The following PCDH9 variants were observed in gnomAD, a reference collection of about 807,000 sequenced individuals.
PCDH9 encodes protocadherin-9.
In PCDH9, 24 loss-of-function variants were observed where a neutral mutation model predicts 70.6. The ratio of observed to expected loss-of-function variants is 0.34; its 90% CI spans 0.25 to 0.48. The LOEUF is 0.48. Among genes scored for constraint, PCDH9 ranks in the 20% least tolerant of loss-of-function variants. The pLI is 0.99. For synonymous variants in PCDH9, 562 were observed against 558.5 expected (o/e 1.01, Z -0.09); for missense variants, 1,281 against 1,503.6 (o/e 0.85, Z 2.45).
At chr13:67,184,012 T>G (rs1400251597) in intron 2 of PCDH9, among the ~76,000 whole-genome samples, 1 of 152,240 alleles carries the variant, frequency 6.6e-6, no homozygotes, top group East Asian at 1.9e-4. Context: ...GTTAAAAGTA[T>G]GTTTATGAGA....
rs558443005 is a variant in PCDH9 at position 66,439,671 on chromosome 13, G to A, written c.3341-134643C>T. On this transcript the variant is annotated intron_variant, in intron 4 of 4. Coordinates refer to ENST00000377865, the MANE Select transcript of PCDH9 (RefSeq NM_203487.3). ...GTGTTTTTATTATTGACAGATCCTA[G>A]TTAGGTTTTATCCTTTCAAATAGCT... is the stretch of plus-strand genomic sequence containing the variant. Among the ~76,000 whole-genome samples, 20 of 152,216 alleles carry A rather than the reference G, an allele frequency of 1.3e-4. No homozygotes were observed. In the Middle Eastern group the frequency reaches 0.01, roughly 78 times the overall value.
At chr13:66,822,925 A>G (rs1313783031) in intron 3 of PCDH9, among the ~76,000 whole-genome samples, 2 of 152,124 alleles carry the variant, frequency 1.3e-5, no homozygotes, top group Non-Finnish European at 2.9e-5. Flanking sequence ...GGTATCACAT[A>G]TATACTATAT....
At chr13:66,450,973 C>T (rs1034631603) in intron 4 of PCDH9, among the ~76,000 whole-genome samples, 12 of 151,988 alleles carry the variant, frequency 7.9e-5, no homozygotes, top group South Asian at 2.1e-4. Context: ...GCCGAGATCG[C>T]GCCACTGTAC....
rs74095371 is a variant in PCDH9, at chr13:67,160,989, T to A, written c.3036+64416A>T. ...ATTTATTTGAAATTTCAGCTAATCT[T>A]TCTGGAACAACAGTGATAAATGCAG... On this transcript the variant is annotated intron_variant, in intron 2 of 4. Transcript: ENST00000377865. Among the ~76,000 whole-genome samples the A allele has an allele frequency of 7.1e-3, 1,077 of 152,314 alleles. 13 individuals carry two copies. Among genetic ancestry groups the A allele is most frequent in the African/African-American group, 0.025 (1,023 of 41,558 alleles).
In PCDH9 at chr13:66,393,897, A is replaced by C. The variant is rs114529587; in HGVS notation, c.3341-88869T>G. On this transcript the variant is annotated intron_variant, in intron 4 of 4. Transcript: ENST00000377865. The stretch of plus-strand genomic sequence containing the variant: ...GGAAATATTTATTGAATAAGTGAGG[A>C]GAAAGGAGGTGTGAGGCAAGAAACG... 7.6e-3 allele frequency among the ~76,000 whole-genome samples: 1,162 copies of C among 152,300 alleles called. 14 individuals carry two copies. The highest frequency in any genetic ancestry group is 0.026 in the African/African-American group (1,096 of 41,576).
At chr13:67,188,895 T>A (rs762463824) in intron 2 of PCDH9, among the ~76,000 whole-genome samples, 29 of 152,150 alleles carry the variant, frequency 1.9e-4, no homozygotes, top group Non-Finnish European at 3.5e-4. Context: ...ACCCAAGAAG[T>A]ATACACCAAA....
intron 3 of PCDH9, among the ~76,000 whole-genome samples, chr13:66,707,603 T>C (rs932326293): frequency 1.3e-5 from 2 of 152,182 alleles, no homozygotes; most frequent in African/African-American, 4.8e-5. Flanking sequence ...AATTAACTCA[T>C]CAATGGAAAT....
At chr13:66,598,905 C>T (rs968694452) in intron 4 of PCDH9, among the ~76,000 whole-genome samples, 5 of 151,638 alleles carry the variant, frequency 3.3e-5, no homozygotes, top group South Asian at 4.2e-4. Context: ...ACAGTGTATC[C>T]GTAAAACTGC....
chr13:66,994,095 CAGAA>C (rs770089428), intron 2 of PCDH9, among the ~76,000 whole-genome samples: 5 of 152,054 alleles, frequency 3.3e-5, no homozygotes, highest in Admixed American at 6.6e-5. Flanking sequence ...GCTTAGGAAA[CAGAA>C]GGAAGGATTT....
intron 4 of PCDH9, among the ~76,000 whole-genome samples, chr13:66,376,101 C>G (rs2440612): frequency 0.025 from 3,744 of 152,084 alleles, 154 homozygotes; most frequent in African/African-American, 0.084. Context: ...AAATTCCGTG[C>G]CCCCAGATTT....
chr13:66,394,259 A>C (rs2138276451), intron 4 of PCDH9, among the ~76,000 whole-genome samples: 1 of 152,306 alleles, frequency 6.6e-6, no homozygotes, highest in Non-Finnish European at 1.5e-5. Context: ...TCTTGAGTAG[A>C]ATATAAAGAC....
intron 3 of PCDH9, among the ~76,000 whole-genome samples, chr13:66,837,831 C>T (rs1358712860): frequency 1.3e-5 from 2 of 152,096 alleles, no homozygotes; most frequent in East Asian, 3.9e-4. Flanking sequence ...AAGCACTCCC[C>T]AGGCAATAGA....
intron 4 of PCDH9, among the ~76,000 whole-genome samples, chr13:66,590,120 C>T (rs2077019959): frequency 1.3e-5 from 2 of 151,820 alleles, no homozygotes; most frequent in South Asian, 2.1e-4. Context: ...TACGGAGAAC[C>T]CTAACAAAAT....
At chr13:66,343,285 C>A (rs1191975716) in intron 4 of PCDH9, among the ~76,000 whole-genome samples, 8 of 152,148 alleles carry the variant, frequency 5.3e-5, no homozygotes, top group African/African-American at 1.9e-4. Context: ...GGTCACAAGT[C>A]TGGTACAGAG....
chr13:66,465,126 T>C (rs1008861739), intron 4 of PCDH9, among the ~76,000 whole-genome samples: 3 of 151,826 alleles, frequency 2.0e-5, no homozygotes, highest in East Asian at 3.9e-4. Context: ...GTGACTTGGG[T>C]GATTTAATAG....
chr13:67,007,964 G>A (rs574038771), intron 2 of PCDH9, among the ~76,000 whole-genome samples: 1 of 152,064 alleles, frequency 6.6e-6, no homozygotes, highest in African/African-American at 2.4e-5. Context: ...CAATGGGAAG[G>A]CTTCAAATTG....
At position 67,121,201 on chromosome 13, in the gene PCDH9, G is replaced by T. The variant is rs187772406; in HGVS notation, c.3036+104204C>A. 3.8e-3 allele frequency among the ~76,000 whole-genome samples: 583 copies of T among 152,006 alleles called. 2 individuals carry two copies. The highest frequency in any genetic ancestry group is 6.7e-3 in the Non-Finnish European group (456 of 68,008). On this transcript the variant is annotated intron_variant, in intron 2 of 4. Transcript: ENST00000377865. Reference sequence around the variant, plus strand: ...TTTACTTTAAAAAATTTTTGGAATTGTAAGAGTTGATGTGCATTATAAATT... The same window carrying T: ...TTTACTTTAAAAAATTTTTGGAATTTTAAGAGTTGATGTGCATTATAAATT...
At chr13:66,977,017 A>G (rs994884943) in intron 2 of PCDH9, among the ~76,000 whole-genome samples, 4 of 152,128 alleles carry the variant, frequency 2.6e-5, no homozygotes, top group African/African-American at 9.7e-5. Context: ...CAGTGATCCA[A>G]AGACTTAGTC....
chr13:66,901,895 A>C (rs973944937), intron 3 of PCDH9, among the ~76,000 whole-genome samples: 2 of 151,856 alleles, frequency 1.3e-5, no homozygotes, highest in African/African-American at 4.8e-5. Context: ...CAATAAACAC[A>C]AACATAAAAT....
Sources: gnomAD v4.1 joint callset for allele counts (sites outside exome capture counted in the v4.1 genomes callset) on GRCh38, gnomAD v4.1.1 for gene constraint, MANE v1.5 for transcripts, NCBI Gene and HGNC (gene_info 2026-07-23, HGNC 2026-07-21) for gene names.